Variants in RANBP2 observed in about 807,000 individuals in gnomAD.
RANBP2 encodes E3 SUMO-protein ligase RanBP2.
RANBP2 carries 57 observed loss-of-function variants against 303.6 expected under a neutral mutation model. The ratio of observed to expected loss-of-function variants is 0.19; its 90% confidence interval spans 0.15 to 0.23. The LOEUF (loss-of-function observed/expected upper bound fraction) is 0.23, where lower values mean the gene tolerates loss of function less well. Ranked by LOEUF, RANBP2 falls within the 10% of genes least tolerant of loss-of-function variation. RANBP2 has a pLI of 1.00. For missense variants in RANBP2, 3,138 were observed against 3,780.8 expected, an observed-to-expected ratio of 0.83 and a Z score of 4.46; for synonymous variants, 1,167 against 1,301.5, an observed-to-expected ratio of 0.90 and a Z score of 2.23.
the RANBP2 span, among the ~76,000 whole-genome samples, chr2:109,202,966 C>A: frequency 2.0e-5 from 3 of 152,178 alleles, no homozygotes; most frequent in Non-Finnish European, 4.4e-5. Context: ...TGGTCTTGTG[C>A]CTGAGGATAA....
At chr2:109,201,282 T>C in the RANBP2 span, among the ~76,000 whole-genome samples, 962 of 152,356 alleles carry the variant, frequency 6.3e-3, 4 homozygotes, top group Non-Finnish European at 9.3e-3. Context: ...TTTGAAGCCT[T>C]TCACAGACAG....
the RANBP2 span, among the ~76,000 whole-genome samples, chr2:109,354,346 A>G: frequency 6.6e-6 from 1 of 152,190 alleles, no homozygotes; most frequent in Non-Finnish European, 1.5e-5. Context: ...TCTGGGCTCC[A>G]GCTTGTTATT....
chr2:108,749,171 C>T, intron 9 of RANBP2, 42 bp downstream of exon 9: 1 of 1,611,422 alleles, frequency 6.2e-7, no homozygotes, highest in Non-Finnish European at 8.5e-7. Context: ...CGTCTTAATT[C>T]TTATAAATTG....
chr2:108,995,784 C>T, the RANBP2 span, among the ~76,000 whole-genome samples: 11 of 152,294 alleles, frequency 7.2e-5, 1 homozygote, highest in East Asian at 2.1e-3. Flanking sequence ...CATGCGTCCC[C>T]TTTGCTGCCA....
At chr2:109,624,805 G>T in the RANBP2 span, among the ~76,000 whole-genome samples, 1 of 152,148 alleles carries the variant, frequency 6.6e-6, no homozygotes, top group Non-Finnish European at 1.5e-5. Flanking sequence ...ATCTAGCCGG[G>T]CATGGTGGCT....
At chr2:108,960,202 C>T in the RANBP2 span, among the ~76,000 whole-genome samples, 13 of 152,130 alleles carry the variant, frequency 8.5e-5, no homozygotes, top group Admixed American at 3.9e-4. Flanking sequence ...ACCAGTTCTC[C>T]CCGGGGCTGC....
the RANBP2 span, among the ~76,000 whole-genome samples, chr2:109,141,277 G>A: frequency 6.6e-6 from 1 of 152,158 alleles, no homozygotes; most frequent in Non-Finnish European, 1.5e-5. Context: ...CGCATTCCTG[G>A]CAACCAGTGC....
the RANBP2 span, among the ~76,000 whole-genome samples, chr2:108,906,037 C>T: frequency 6.8e-6 from 1 of 146,338 alleles, no homozygotes; most frequent in Non-Finnish European, 1.5e-5. Context: ...ACCGACCCTG[C>T]GTTTCCCTAC....
chr2:109,249,473 C>CTT, the RANBP2 span, among the ~76,000 whole-genome samples: 3 of 19,602 alleles, frequency 1.5e-4, no homozygotes. Context: ...CTTTCTCTTT[C>CTT]TTTCTTTCTT....
chr2:108,758,671 T>G, intron 18 of RANBP2, 123 bp downstream of exon 18: 1 of 1,529,946 alleles, frequency 6.5e-7, no homozygotes, highest in Non-Finnish European at 8.8e-7. Context: ...CAACGTCTGT[T>G]TATATGTGAC....
At chr2:109,644,826 T>A in the RANBP2 span, among the ~76,000 whole-genome samples, 3 of 152,246 alleles carry the variant, frequency 2.0e-5, no homozygotes, top group African/African-American at 7.2e-5. Context: ...CCCGGCTGCT[T>A]GTCAATATTT....
At chr2:109,503,388 A>C in the RANBP2 span, 3 of 152,148 alleles carry the variant, frequency 2.0e-5, no homozygotes, top group African/African-American at 7.2e-5. Context: ...TTGGGACGTG[A>C]CTTGGCTACT....
the RANBP2 span, among the ~76,000 whole-genome samples, chr2:109,524,560 C>T: frequency 1.3e-5 from 2 of 151,640 alleles, no homozygotes; most frequent in African/African-American, 4.8e-5. Flanking sequence ...AGTTCGAGAC[C>T]AGCCTGGCCA....
At chr2:109,720,718 T>C in the RANBP2 span, among the ~76,000 whole-genome samples, 1 of 152,206 alleles carries the variant, frequency 6.6e-6, no homozygotes, top group Non-Finnish European at 1.5e-5. Context: ...TCCAATCTCC[T>C]TAGTTTTCAC....
the RANBP2 span, among the ~76,000 whole-genome samples, chr2:109,596,444 C>A: frequency 6.6e-6 from 1 of 151,936 alleles, no homozygotes; most frequent in Non-Finnish European, 1.5e-5. Context: ...AGTGAAACCC[C>A]GTCTCTACTA....
the RANBP2 span, among the ~76,000 whole-genome samples, chr2:108,805,839 GAT>G: frequency 6.6e-6 from 1 of 152,176 alleles, no homozygotes; most frequent in African/African-American, 2.4e-5. Flanking sequence ...TTGGCAGAAA[GAT>G]GTGAAAGTAA....
At chr2:108,848,247 A>G in the RANBP2 span, among the ~76,000 whole-genome samples, 66 of 152,352 alleles carry the variant, frequency 4.3e-4, no homozygotes, top group African/African-American at 1.5e-3. Context: ...ATATGCTAAG[A>G]AAAGCAAAAA....
At chr2:108,930,274 T>C in the RANBP2 span, 1 of 1,613,774 alleles carries the variant, frequency 6.2e-7, no homozygotes, top group Non-Finnish European at 8.5e-7. Context: ...GTGGCCTCCG[T>C]ACCTCCTTAG....
At chr2:109,462,399 C>T in the RANBP2 span, among the ~76,000 whole-genome samples, 5 of 152,158 alleles carry the variant, frequency 3.3e-5, no homozygotes, top group South Asian at 2.1e-4. Flanking sequence ...GCTTAAACAA[C>T]GAAACCATAC....
Sources: gnomAD v4.1 joint callset for allele counts (sites outside exome capture counted in the v4.1 genomes callset) on GRCh38, gnomAD v4.1.1 for gene constraint, MANE v1.5 for transcripts, NCBI Gene and HGNC (gene_info 2026-07-23, HGNC 2026-07-21) for gene names.